Variants in PHF24 observed in about 807,000 individuals in gnomAD.
The protein encoded by PHF24 is PHD finger protein 24.
PHF24 carries 25 observed loss-of-function variants against 42.6 expected under a neutral mutation model. The ratio of observed to expected loss-of-function variants is 0.59; its 90% CI spans 0.43 to 0.82. The LOEUF (loss-of-function observed/expected upper bound fraction) is 0.82. Among genes scored for constraint, PHF24 ranks in the 40% least tolerant of loss-of-function variants. The pLI is 0.00. For synonymous variants in PHF24, 185 were observed against 204.8 expected, an observed-to-expected ratio of 0.90 and a Z score of 0.83; for missense variants, 470 against 538.1, an observed-to-expected ratio of 0.87 and a Z score of 1.25.
At chr9:34,975,854 G>C (rs1587479285) in intron 3 of PHF24, among the ~76,000 whole-genome samples, 1 of 151,996 alleles carries the variant, frequency 6.6e-6, no homozygotes. Flanking sequence ...GCTTCCTAAG[G>C]CACTTCCAAG....
At chr9:34,789,463 C>A in the PHF24 span, among the ~76,000 whole-genome samples, 1 of 152,226 alleles carries the variant, frequency 6.6e-6, no homozygotes, top group South Asian at 2.1e-4. Context: ...ATCCCTTTAA[C>A]ATAAGCAATA....
the PHF24 span, among the ~76,000 whole-genome samples, chr9:34,762,924 A>T: frequency 6.6e-6 from 1 of 152,340 alleles, no homozygotes; most frequent in South Asian, 2.1e-4. Context: ...ATGGCTAGCC[A>T]GTTTTCCTAG....
chr9:34,855,198 G>A, the PHF24 span, among the ~76,000 whole-genome samples: 1 of 152,192 alleles, frequency 6.6e-6, no homozygotes, highest in Non-Finnish European at 1.5e-5. Context: ...CTTGAAGACA[G>A]CATACCAATG....
chr9:34,690,281 G>C, the PHF24 span: 1 of 1,613,748 alleles, frequency 6.2e-7, no homozygotes, highest in Non-Finnish European at 8.5e-7. Context: ...ACCCAGGGAT[G>C]GGTTTCTGGG....
At chr9:34,711,803 A>G in the PHF24 span, among the ~76,000 whole-genome samples, 5 of 152,164 alleles carry the variant, frequency 3.3e-5, no homozygotes, top group East Asian at 3.8e-4. Context: ...TTGGCCTCCC[A>G]AAGTGCTGGG....
chr9:34,679,949 C>T, the PHF24 span, among the ~76,000 whole-genome samples: 4 of 152,142 alleles, frequency 2.6e-5, no homozygotes, highest in African/African-American at 7.2e-5. Flanking sequence ...ACCTTGAGTT[C>T]AGCCTAGTGA....
chr9:34,867,556 C>T, the PHF24 span, among the ~76,000 whole-genome samples: 2 of 152,300 alleles, frequency 1.3e-5, no homozygotes, highest in Non-Finnish European at 2.9e-5. Flanking sequence ...TCCTAAGGAA[C>T]AGCCAGTCAC....
the PHF24 span, chr9:34,690,464 GTGTGTC>G: frequency 2.2e-6 from 2 of 913,702 alleles, no homozygotes; most frequent in Non-Finnish European, 3.3e-6. Context: ...GTGTGTGTGT[GTGTGTC>G]TGGTGGGGTC....
the PHF24 span, among the ~76,000 whole-genome samples, chr9:34,879,129 ACC>A: frequency 6.6e-6 from 1 of 152,198 alleles, no homozygotes; most frequent in East Asian, 1.9e-4. Context: ...ACTCCAACAG[ACC>A]TGCAGCTGAG....
chr9:34,689,513 T>A, the PHF24 span: 1 of 320,054 alleles, frequency 3.1e-6, no homozygotes, highest in Non-Finnish European at 5.7e-6. The surrounding 1 kb of genome is among the most constrained non-coding windows in gnomAD (Gnocchi z 4.1). Flanking sequence ...TTTTTAAGGC[T>A]AGTTAAGCAG....
At chr9:34,872,190 ATTATTTTT>A in the PHF24 span, among the ~76,000 whole-genome samples, 28,915 of 150,076 alleles carry the variant, frequency 0.19, 2,950 homozygotes, top group South Asian at 0.29. Context: ...TTTTATTTTT[ATTATTTTT>A]TTATTTTTTA....
rs187440066 is a variant in PHF24, at chr9:34,974,418, A to G, written c.565-1734A>G. On this transcript the variant is annotated intron_variant, in intron 3 of 7. Coordinates refer to ENST00000242315, the Ensembl canonical transcript of PHF24. The stretch of plus-strand genomic sequence containing the variant: ...TAAGTATTTTTATGAGAATTATTGC[A>G]TAAGATATGGAAATGAGAGAAAATA... 9.2e-5 allele frequency among the ~76,000 whole-genome samples: 14 copies of G among 152,268 alleles called. No homozygotes were observed. In the East Asian group the frequency reaches 1.5e-3, roughly 17 times the overall value.
At chr9:34,678,904 A>G in the PHF24 span, among the ~76,000 whole-genome samples, 2 of 152,222 alleles carry the variant, frequency 1.3e-5, no homozygotes, top group African/African-American at 4.8e-5. Flanking sequence ...TGCTAGGATT[A>G]CAGGCCTGAG....
the PHF24 span, chr9:34,689,809 C>T: frequency 9.4e-5 from 151 of 1,613,922 alleles, 1 homozygote; most frequent in Non-Finnish European, 6.4e-5. This position sits in a 1 kb window ranked among gnomAD's most constrained non-coding sequence, Gnocchi z 4.1. Flanking sequence ...TCCCTCTGCA[C>T]GGTCATAGGT....
chr9:34,848,392 G>C, the PHF24 span, among the ~76,000 whole-genome samples: 1 of 151,618 alleles, frequency 6.6e-6, no homozygotes, highest in Non-Finnish European at 1.5e-5. Context: ...TTGTGTAGAG[G>C]TGTTTGTAGT....
the PHF24 span, among the ~76,000 whole-genome samples, chr9:34,714,361 A>T: frequency 6.6e-6 from 1 of 152,156 alleles, no homozygotes; most frequent in African/African-American, 2.4e-5. Context: ...CCTGTCTCTG[A>T]GGAATTCTCA....
the PHF24 span, among the ~76,000 whole-genome samples, chr9:34,897,403 G>A: frequency 6.6e-6 from 1 of 152,156 alleles, no homozygotes; most frequent in Non-Finnish European, 1.5e-5. Context: ...TAGAGAAGGG[G>A]GAAATAGAGT....
At chr9:34,787,980 C>T in the PHF24 span, among the ~76,000 whole-genome samples, 1 of 152,108 alleles carries the variant, frequency 6.6e-6, no homozygotes, top group African/African-American at 2.4e-5. Context: ...AGAATATAGA[C>T]TTGAATAATG....
the PHF24 span, among the ~76,000 whole-genome samples, chr9:34,886,824 A>ATGTATCTG: frequency 2.1e-5 from 3 of 139,742 alleles, no homozygotes; most frequent in African/African-American, 5.2e-5. Context: ...CTATGTATCT[A>ATGTATCTG]TGTATCTATG....
Sources: allele counts gnomAD v4.1 joint callset (sites outside exome capture counted in the v4.1 genomes callset), GRCh38; gene constraint gnomAD v4.1.1; non-coding constraint Gnocchi (gnomAD v3.1); transcripts MANE v1.5; gene names NCBI Gene and HGNC (gene_info 2026-07-23, HGNC 2026-07-21).